The following NUDT21 variants were observed in gnomAD, a reference collection of about 807,000 sequenced individuals.
NUDT21 encodes cleavage and polyadenylation specificity factor subunit 5.
Under a neutral mutation model 29.8 loss-of-function variants are expected in NUDT21, and 5 were observed. That is an observed-to-expected ratio of 0.17 (90% CI 0.09 to 0.35). The LOEUF (loss-of-function observed/expected upper bound fraction) is 0.35, where lower values mean the gene tolerates loss of function less well. Ranked by LOEUF, NUDT21 falls within the 10% of genes least tolerant of loss-of-function variation. The pLI, the probability that NUDT21 is intolerant of heterozygous loss-of-function variation, is 1.00. For missense variants in NUDT21, 76 were observed against 276.0 expected (o/e 0.28, Z 5.13); for synonymous variants, 113 against 98.5 (o/e 1.15, Z -0.87).
chr16:56,450,269 T>A (rs1264168266), intron 1 of NUDT21, among the ~76,000 whole-genome samples: 1 of 152,188 alleles, frequency 6.6e-6, no homozygotes, highest in Non-Finnish European at 1.5e-5. Flanking sequence ...ATTTCTTGAT[T>A]AAGACACCCC....
At chr16:56,436,771 T>A (rs1261085315) in intron 4 of NUDT21, among the ~76,000 whole-genome samples, 1 of 152,208 alleles carries the variant, frequency 6.6e-6, no homozygotes, top group Non-Finnish European at 1.5e-5. Flanking sequence ...AAGACTGAGA[T>A]AGGAAGATGA....
In NUDT21 at chr16:56,432,704, G is replaced by A. The variant is rs567534378; in HGVS notation, c.*8C>T. On this transcript the variant is annotated 3_prime_UTR_variant, in exon 7 of 7. Transcript: ENST00000300291. ...GCGGCTTCTTTTACTTCTCCACTGC[G>A]CAGGAATTCAGTTGTAAATAAAATT... 1.9e-5 allele frequency: 30 copies of A among 1,609,804 alleles called. No individual in the cohort carries two copies. The highest frequency in any genetic ancestry group is 1.6e-4 in the Middle Eastern group (1 of 6,074).
At chr16:56,440,918 T>C (rs553700501) in intron 3 of NUDT21, among the ~76,000 whole-genome samples, 2 of 152,142 alleles carry the variant, frequency 1.3e-5, no homozygotes, top group African/African-American at 4.8e-5. Flanking sequence ...TTTTGTCTTT[T>C]TAGTAGAGAT....
chr16:56,441,763 A>T (rs1307753186), intron 3 of NUDT21, among the ~76,000 whole-genome samples: 2 of 152,330 alleles, frequency 1.3e-5, no homozygotes, highest in East Asian at 3.9e-4. Context: ...CAACTGTCCT[A>T]TTCTTTAGTT....
chr16:56,440,555 C>T (rs1239159208), intron 3 of NUDT21, among the ~76,000 whole-genome samples: 1 of 152,032 alleles, frequency 6.6e-6, no homozygotes, highest in East Asian at 1.9e-4. Flanking sequence ...GAATACTGGT[C>T]AAGTATTTTG....
Position 56,434,537 on chromosome 16 carries a change from G to C in NUDT21, c.548-92C>G, listed in dbSNP as rs545778418. 85 of 848,566 alleles carry C rather than the reference G, an allele frequency of 1.0e-4. No homozygotes were observed. In the African/African-American group the frequency reaches 1.2e-3, roughly 12 times the overall value. 52.6% of individuals were successfully genotyped at this position (848,566 alleles called of 1,614,324 possible). On this transcript the variant is annotated intron_variant, in intron 5 of 6. Transcript: ENST00000300291. Reference sequence around the variant, plus strand: ...TTACCAATTTTACATTTAATAAAAAGTGTAAGAAAAAAGATAATTCTCATT... The same window carrying C: ...TTACCAATTTTACATTTAATAAAAACTGTAAGAAAAAAGATAATTCTCATT...
chr16:56,447,815 C>T lies in NUDT21; in HGVS notation c.291G>A (p.Leu97=). The T allele has an allele frequency of 6.2e-7, 1 of 1,614,102 alleles. No homozygotes were observed. The highest frequency in any genetic ancestry group is 8.5e-7 in the Non-Finnish European group (1 of 1,179,942). The part of the protein sequence containing the change: ...HEHRLPHVLL[L]QLGTTFFKLP... ...GTTTGAAGAAAGTTGTTCCCAGCTGCAGCAGTAACACATGGGGTAGCCGGT... is the reference window on the plus strand; with the variant it reads ...GTTTGAAGAAAGTTGTTCCCAGCTGTAGCAGTAACACATGGGGTAGCCGGT... The change falls in exon 2 of 7, where the codon CTG becomes CTA. Residue 97 remains leucine, a synonymous_variant. Transcript: ENST00000300291.
chr16:56,450,922 G>T (rs143897621), intron 1 of NUDT21, among the ~76,000 whole-genome samples, 165 bp downstream of exon 1: 243 of 152,354 alleles, frequency 1.6e-3, no homozygotes, highest in Admixed American at 6.9e-3. Context: ...GAGGCTGGAG[G>T]ATGAGAAAGG....
chr16:56,439,885 T>G, intron 3 of NUDT21, 139 bp from the exon 4 acceptor site: 1 of 703,394 alleles, frequency 1.4e-6, no homozygotes, highest in South Asian at 1.6e-5. Flanking sequence ...TTTCTATGAT[T>G]TGTTAATATA....
At chr16:56,444,612 A>G (rs1432182071) in intron 3 of NUDT21, among the ~76,000 whole-genome samples, 1 of 149,638 alleles carries the variant, frequency 6.7e-6, no homozygotes, top group East Asian at 2.0e-4. Context: ...AAAAAAAAAA[A>G]ACAAAAACAA....
chr16:56,432,430 T>C lies in NUDT21; in HGVS notation c.*282A>G. On this transcript the variant is annotated 3_prime_UTR_variant, in exon 7 of 7. Transcript: ENST00000300291. ...AAATGATCCTCACCTATAAGAATTT[T>C]AGAAGTTTAATGAGAAATTAAAATA... is the stretch of plus-strand genomic sequence containing the variant. 2 of 295,230 alleles carry C rather than the reference T, an allele frequency of 6.8e-6. 1 individual carries two copies. The highest frequency in any genetic ancestry group is 1.3e-5 in the Non-Finnish European group (2 of 158,916). 18.3% of individuals were successfully genotyped at this position (295,230 alleles called of 1,614,324 possible).
At position 56,434,924 on chromosome 16, in the gene NUDT21, G is replaced by A. The variant is rs1443996558; in HGVS notation, c.472-95C>T. The A allele has an allele frequency of 9.5e-6, 7 of 734,162 alleles. No homozygotes were observed. In the African/African-American group the frequency reaches 1.1e-4, roughly 11 times the overall value. The allele number at this position is 734,162 out of a possible 1,614,324, so 45.5% of individuals were successfully genotyped here. ...AGTATAGTATAAACTGTTGGGAGAAGCATACTACTTTCTGTCCTCTTTACC... is the reference window on the plus strand; with the variant it reads ...AGTATAGTATAAACTGTTGGGAGAAACATACTACTTTCTGTCCTCTTTACC... On this transcript the variant is annotated intron_variant, in intron 4 of 6. Coordinates refer to ENST00000300291, the MANE Select transcript of NUDT21 (RefSeq NM_007006.3).
At chr16:56,450,970 G>A (rs904765009) in intron 1 of NUDT21, 117 bp downstream of exon 1, 6 of 765,024 alleles carry the variant, frequency 7.8e-6, no homozygotes, top group African/African-American at 1.8e-5. Flanking sequence ...TCCGCCAGCG[G>A]GAGTTGGAGG....
chr16:56,438,852 C>A (rs560442163), intron 4 of NUDT21, among the ~76,000 whole-genome samples: 1 of 150,842 alleles, frequency 6.6e-6, no homozygotes, highest in South Asian at 2.1e-4. Context: ...CTAATCCAAA[C>A]AAATTATAAA....
At chr16:56,447,587 C>T in intron 2 of NUDT21, 1 of 556,040 alleles carries the variant, frequency 1.8e-6, no homozygotes, top group East Asian at 3.1e-5. Flanking sequence ...CAACAACATA[C>T]AGAAACATAC....
intron 4 of NUDT21, chr16:56,439,299 G>A: frequency 5.7e-6 from 1 of 174,508 alleles, no homozygotes; most frequent in East Asian, 1.6e-4. Context: ...AGCCTCCGGA[G>A]TAGCTGGGAT....
rs1962044177 is a variant in NUDT21, at chr16:56,432,434, A to C, written c.*278T>G. The C allele has an allele frequency of 3.3e-6, 1 of 305,306 alleles. No homozygotes were observed. The highest frequency in any genetic ancestry group is 6.1e-6 in the Non-Finnish European group (1 of 165,150). The allele number at this position is 305,306 out of a possible 1,614,324, so 18.9% of individuals were successfully genotyped here. A position where few individuals can be genotyped will look rare whatever the true frequency, so the allele number is the denominator to read the frequency against. ...GATCCTCACCTATAAGAATTTTAGA[A>C]GTTTAATGAGAAATTAAAATAAAAA... On this transcript the variant is annotated 3_prime_UTR_variant, in exon 7 of 7. Transcript: ENST00000300291.
chr16:56,445,361 G>A (rs140733066), intron 3 of NUDT21, among the ~76,000 whole-genome samples: 85 of 152,238 alleles, frequency 5.6e-4, no homozygotes, highest in African/African-American at 1.9e-3. Context: ...CATGCAATGC[G>A]TAATATTCAC....
At chr16:56,437,272 A>C (rs181395164) in intron 4 of NUDT21, among the ~76,000 whole-genome samples, 168 of 152,308 alleles carry the variant, frequency 1.1e-3, no homozygotes, top group African/African-American at 3.7e-3. Context: ...CATGTAAAGG[A>C]GCTATAAAGT....
Sources: gnomAD v4.1 joint callset for allele counts (sites outside exome capture counted in the v4.1 genomes callset) on GRCh38, gnomAD v4.1.1 for gene constraint, MANE v1.5 for transcripts, NCBI Gene and HGNC (gene_info 2026-07-23, HGNC 2026-07-21) for gene names.